COL27A1: variants seen among roughly 807,000 people sequenced by gnomAD.
The protein encoded by COL27A1 is collagen type XXVII alpha 1 chain, also known as collagen alpha-1(XXVII) chain.
Under a neutral mutation model 251.3 loss-of-function variants are expected in COL27A1, and 106 were observed. The observed-to-expected ratio is 0.42, with a 90% CI of 0.36 to 0.50. COL27A1 has a LOEUF of 0.50. Among genes scored for constraint, COL27A1 ranks in the 20% least tolerant of loss-of-function variants. The pLI is 0.00. For missense variants in COL27A1, 2,325 were observed against 2,522.8 expected (o/e 0.92, Z 1.68); for synonymous variants, 1,000 against 986.3 (o/e 1.01, Z -0.26).
Position 114,222,243 on chromosome 9 carries a change from C to G in COL27A1, c.2442C>G (p.Gly814=), listed in dbSNP as rs200237175. The G allele has an allele frequency of 6.2e-7, 1 of 1,613,066 alleles. No individual in the cohort carries two copies. Among genetic ancestry groups the G allele is most frequent in the Non-Finnish European group, 8.5e-7 (1 of 1,179,196 alleles). ...TGCAGGGAGAACTGGGCCTGCCAGG[C>G]CCCCCTGGAGTCCCCGGCCTCATTG... ...DGNPGELGLP[G]PPGVPGLIGD... Residue 814 remains glycine, a synonymous_variant, in exon 14 of 61, where the codon GGC becomes GGG. Transcript: ENST00000356083.
chr9:114,246,007 G>C, intron 24 of COL27A1, 97 bp downstream of exon 24: 2 of 1,059,762 alleles, frequency 1.9e-6, no homozygotes, highest in Admixed American at 2.2e-5. Flanking sequence ...ACCACCTCGT[G>C]TAATTCTCAG....
intron 5 of COL27A1, among the ~76,000 whole-genome samples, chr9:114,189,746 C>T (rs1272121428): frequency 6.6e-6 from 1 of 152,058 alleles, no homozygotes. Flanking sequence ...TATTTTTTTG[C>T]TGTCCTGAAT....
chr9:114,215,906 G>A (rs1830682075), intron 12 of COL27A1, among the ~76,000 whole-genome samples: 1 of 152,206 alleles, frequency 6.6e-6, no homozygotes, highest in African/African-American at 2.4e-5. Context: ...TTGCAGGCCA[G>A]GGACCTGAGC....
At chr9:114,173,747 G>C (rs1236375783) in intron 3 of COL27A1, among the ~76,000 whole-genome samples, 1 of 152,160 alleles carries the variant, frequency 6.6e-6, no homozygotes, top group African/African-American at 2.4e-5. Context: ...CTGGGTCCTG[G>C]TAGATTGTCA....
At chr9:114,264,047 C>G (rs373628401) in intron 28 of COL27A1, among the ~76,000 whole-genome samples, 1 of 152,234 alleles carries the variant, frequency 6.6e-6, no homozygotes, top group Non-Finnish European at 1.5e-5. Flanking sequence ...TCAGTCTCCA[C>G]GTCTGTGAAA....
chr9:114,282,547 G>A lies in COL27A1; in HGVS notation c.3862G>A (p.Gly1288Ser). 6.5e-7 allele frequency: 1 copy of A among 1,532,552 alleles called. No individual in the cohort carries two copies. The highest frequency in any genetic ancestry group is 2.4e-5 in the East Asian group (1 of 41,340). 94.9% of individuals were successfully genotyped at this position (1,532,552 alleles called of 1,614,324 possible). Reference protein sequence around the residue: ...PGTPGPKGSRGSLGPTGAPGR... With the variant: ...PGTPGPKGSRSSLGPTGAPGR... ...CACTCCAGGCCCTAAAGGGTCCCGGGGCAGCCTGGGACCAACGGTGAGGAC... is the reference window on the plus strand; with the variant it reads ...CACTCCAGGCCCTAAAGGGTCCCGGAGCAGCCTGGGACCAACGGTGAGGAC... The change falls in exon 39 of 61, where the codon GGC (glycine) becomes AGC (serine). Residue 1288 changes from glycine (G) to serine (S), a missense_variant. Transcript: ENST00000356083.
chr9:114,168,725 A>T lies in COL27A1; in HGVS notation c.1170A>T (p.Lys390Asn), dbSNP rs372140058. Residue 390 changes from lysine to asparagine, a missense_variant, in exon 3 of 61, where the codon AAA (lysine) becomes AAT (asparagine). Physicochemically the swap from Lys to Asn is moderately conservative, Grantham distance 94. Around this residue, in one of 4 missense-constraint regions of COL27A1, gnomAD observed 1,183 missense variants for 1,144.1 expected, o/e 1.03. Transcript: ENST00000356083. ...TCAAAAGCCCCCATCCTACCCAGAA[A>T]ACAGCTCCATCTTCATTTACAAAGT... is the stretch of plus-strand genomic sequence containing the variant. ...VPIKSPHPTQ[K>N]TAPSSFTKSA... 6.2e-7 allele frequency: 1 copy of T among 1,613,794 alleles called. No individual in the cohort carries two copies. The highest frequency in any genetic ancestry group is 1.1e-5 in the South Asian group (1 of 91,076).
intron 24 of COL27A1, among the ~76,000 whole-genome samples, chr9:114,248,867 C>T (rs1284142248): frequency 1.3e-5 from 2 of 152,174 alleles, no homozygotes; most frequent in African/African-American, 4.8e-5. Flanking sequence ...TTTAACAGAG[C>T]AGTTTTTATT....
chr9:114,196,030 T>G lies in COL27A1; in HGVS notation c.2124+18T>G. ...GACGAAAGGTACTGTTTGGTTTTGA[T>G]GCTTTGCCTTGCGCAGTGGGCCTCC... On this transcript the variant is annotated intron_variant, in intron 7 of 60. Transcript: ENST00000356083. 6.2e-7 allele frequency: 1 copy of G among 1,612,894 alleles called. No individual in the cohort carries two copies. Among genetic ancestry groups the G allele is most frequent in the Non-Finnish European group, 8.5e-7 (1 of 1,178,894 alleles).
chr9:114,236,950 C>T (rs1832440473), intron 17 of COL27A1, 31 bp from the exon 18 acceptor site: 1 of 1,612,218 alleles, frequency 6.2e-7, no homozygotes, highest in Non-Finnish European at 8.5e-7. Context: ...CTCTTCCTCA[C>T]TAACCCCAGC....
chr9:114,202,917 TTC>T (rs763191817), intron 7 of COL27A1, among the ~76,000 whole-genome samples: 31 of 152,328 alleles, frequency 2.0e-4, no homozygotes, highest in Non-Finnish European at 3.1e-4. Context: ...ACTAGACATT[TTC>T]TCTCTGTTTC....
intron 24 of COL27A1, 28 bp from the exon 25 acceptor site, chr9:114,250,587 C>A: frequency 6.2e-7 from 1 of 1,608,172 alleles, no homozygotes; most frequent in South Asian, 1.1e-5. Context: ...CACGTTGTTT[C>A]TCTTGCTTTC....
rs141094562 is a variant in COL27A1 at position 114,252,665 on chromosome 9, T to C, written c.3087+19T>C. 14 of 1,611,384 alleles carry C rather than the reference T, an allele frequency of 8.7e-6. No individual in the cohort carries two copies. Among genetic ancestry groups the C allele is most frequent in the Admixed American group, 6.7e-5 (4 of 60,022 alleles). ...GTCGATGGTAAGGAGTAAGTCTGCA[T>C]CCTCTTGCCCTCTCCTGTTGCAGCC... On this transcript the variant is annotated intron_variant, in intron 26 of 60. Transcript: ENST00000356083.
In COL27A1 at chr9:114,268,902, C is replaced by T. The variant is rs149257701; in HGVS notation, c.3502-339C>T. The T allele has an allele frequency of 6.2e-3, 1,323 of 213,390 alleles. 11 individuals carry two copies. The highest frequency in any genetic ancestry group is 0.028 in the African/African-American group (1,247 of 43,844). The allele number at this position is 213,390 out of a possible 1,614,324, so 13.2% of individuals were successfully genotyped here. ...AGTGAGCTGTGATTACCCCACTGCA[C>T]TCCAGTCTGGGCGACAGAATGAGAC... On this transcript the variant is annotated intron_variant, in intron 34 of 60. Transcript: ENST00000356083.
At position 114,156,028 on chromosome 9, in the gene COL27A1, G is replaced by T; in HGVS notation, c.62+16G>T. 1 of 1,297,914 alleles carries T rather than the reference G, an allele frequency of 7.7e-7. No individual in the cohort carries two copies. 80.4% of individuals were successfully genotyped at this position (1,297,914 alleles called of 1,614,324 possible). A position where few individuals can be genotyped will look rare whatever the true frequency, so the allele number is the denominator to read the frequency against. ...CGCGCGGGGGGTGAGTACGAACTCG[G>T]GGACGCCCCCTCCCTAGCTTCCTGC... is the stretch of plus-strand genomic sequence containing the variant. On this transcript the variant is annotated intron_variant, in intron 1 of 60. Transcript: ENST00000356083.
chr9:114,218,857 A>G (rs1043516997), intron 12 of COL27A1, among the ~76,000 whole-genome samples: 1 of 152,046 alleles, frequency 6.6e-6, no homozygotes, highest in African/African-American at 2.4e-5. Flanking sequence ...CTCCAGTAGT[A>G]TTAGAAACCG....
At position 114,292,914 on chromosome 9, in the gene COL27A1, T is replaced by G. The variant is rs117953415; in HGVS notation, c.4584+704T>G. 4.2e-3 allele frequency among the ~76,000 whole-genome samples: 635 copies of G among 152,320 alleles called. 15 individuals are homozygous for G. In the East Asian group the frequency reaches 0.046, roughly 11 times the overall value. ...AAAATAGCATAAGAATCATAAATGT[T>G]TATGCACCTAAAAATAGATCTTCAA... is the stretch of plus-strand genomic sequence containing the variant. On this transcript the variant is annotated intron_variant, in intron 49 of 60. Coordinates refer to ENST00000356083, the MANE Select transcript of COL27A1 (RefSeq NM_032888.4).
chr9:114,291,547 G>C (rs532092721), intron 48 of COL27A1, among the ~76,000 whole-genome samples: 1 of 152,236 alleles, frequency 6.6e-6, no homozygotes, highest in East Asian at 1.9e-4. Context: ...TCAGGAGTTC[G>C]AGACCAGCCC....
chr9:114,168,796 T>A lies in COL27A1; in HGVS notation c.1241T>A (p.Val414Asp). 6.2e-7 allele frequency: 1 copy of A among 1,613,936 alleles called. No homozygotes were observed. ...QKQVPPTSRP[V>D]PARVSRPAEK... Reference sequence around the variant, plus strand: ...CAAGTGCCACCTACTTCCCGTCCAGTTCCTGCCAGAGTCTCCCGTCCCGCA... The same window carrying A: ...CAAGTGCCACCTACTTCCCGTCCAGATCCTGCCAGAGTCTCCCGTCCCGCA... Residue 414 changes from valine to aspartate, a missense_variant, in exon 3 of 61, where the codon GTT becomes GAT. By Grantham distance (152) the Val-to-Asp change is radical. Coordinates refer to ENST00000356083, the MANE Select transcript of COL27A1 (RefSeq NM_032888.4).
Sources: gnomAD v4.1 joint callset for allele counts (sites outside exome capture counted in the v4.1 genomes callset) on GRCh38, gnomAD v4.1.1 for gene constraint, gnomAD v4.1.1 regional missense constraint, MANE v1.5 for transcripts, NCBI Gene and HGNC (gene_info 2026-07-23, HGNC 2026-07-21) for gene names.